The following MTBP variants were observed in gnomAD, a reference collection of about 807,000 sequenced individuals.
MTBP encodes MDM2 binding protein.
In MTBP, 101 loss-of-function variants were observed where a neutral mutation model predicts 117.0. That is an observed-to-expected ratio of 0.86 (90% CI 0.73 to 1.02). The LOEUF (loss-of-function observed/expected upper bound fraction) is 1.02, where lower values mean the gene tolerates loss of function less well. Ranked by LOEUF, MTBP falls within the 50% of genes least tolerant of loss-of-function variation. The probability of loss-of-function intolerance (pLI) is 0.00; values close to 1 mark genes in which losing one functional copy is unlikely to be tolerated. For synonymous variants in MTBP, 350 were observed against 351.5 expected (o/e 1.00, Z 0.05); for missense variants, 970 against 1,030.9 (o/e 0.94, Z 0.81).
In MTBP at chr8:120,451,093, G is replaced by T. The variant is rs764211657; in HGVS notation, c.273+17G>T. The T allele has an allele frequency of 6.3e-7, 1 of 1,596,750 alleles. No individual in the cohort carries two copies. The highest frequency in any genetic ancestry group is 8.6e-7 in the Non-Finnish European group (1 of 1,168,706). ...TTTTATCAGGTAATATAAATTTAAAGATAGCTACTAATGAATGTCTTTACT... is the reference window on the plus strand; with the variant it reads ...TTTTATCAGGTAATATAAATTTAAATATAGCTACTAATGAATGTCTTTACT... On this transcript the variant is annotated intron_variant, in intron 3 of 21. Coordinates refer to ENST00000305949, the MANE Select transcript of MTBP (RefSeq NM_022045.5).
chr8:120,509,894 A>T (rs1814764942), intron 16 of MTBP, 40 bp from the exon 17 acceptor site: 1 of 1,387,492 alleles, frequency 7.2e-7, no homozygotes, highest in Non-Finnish European at 1.0e-6. Context: ...TTTTGTCAGT[A>T]AATAAACTTT....
chr8:120,490,596 C>G (rs775082371), intron 13 of MTBP, 26 bp downstream of exon 13: 1 of 1,448,052 alleles, frequency 6.9e-7, no homozygotes, highest in Non-Finnish European at 9.5e-7. Flanking sequence ...TGTATTTTAT[C>G]CTACCCTAAA....
chr8:120,451,550 A>G (rs188316151), intron 4 of MTBP: 10 of 423,918 alleles, frequency 2.4e-5, no homozygotes, highest in African/African-American at 1.6e-4. Flanking sequence ...ATTTTAATAA[A>G]CATGTTCCTT....
rs1191188584 is a variant in MTBP at position 120,509,175 on chromosome 8, T to C, written c.1884-759T>C. Among the ~76,000 whole-genome samples the C allele has an allele frequency of 2.6e-5, 4 of 152,310 alleles. No homozygotes were observed. The East Asian group carries it at 7.7e-4, about 29-fold the overall frequency. ...AGCAAAGAAAGATCTGGGTCCCACG[T>C]GTTTTAGTAGGAAGTAAATACTTTT... On this transcript the variant is annotated intron_variant, in intron 16 of 21. Transcript: ENST00000305949.
chr8:120,456,384 G>A (rs1455234736), intron 6 of MTBP, among the ~76,000 whole-genome samples, 169 bp from the exon 7 acceptor site: 2 of 152,132 alleles, frequency 1.3e-5, no homozygotes, highest in African/African-American at 4.8e-5. Context: ...AAATGAACAT[G>A]TGTCAGCAAT....
chr8:120,521,805 T>C (rs749427313), intron 20 of MTBP, among the ~76,000 whole-genome samples: 12 of 152,212 alleles, frequency 7.9e-5, no homozygotes, highest in Non-Finnish European at 1.5e-4. Flanking sequence ...TTTTACCTGA[T>C]AAATAAATAC....
At chr8:120,523,187 C>A in intron 21 of MTBP, 111 bp from the exon 22 acceptor site, 4 of 742,104 alleles carry the variant, frequency 5.4e-6, no homozygotes, top group East Asian at 2.7e-5. Flanking sequence ...CAGTATCTTC[C>A]TTTTTATTTG....
chr8:120,483,408 CTATCAG>C (rs1814138202), intron 11 of MTBP, among the ~76,000 whole-genome samples: 2 of 152,060 alleles, frequency 1.3e-5, no homozygotes, highest in African/African-American at 4.8e-5. Flanking sequence ...TATATAATAA[CTATCAG>C]TAAGTCGGAA....
At chr8:120,453,597 AC>A (rs1813406192) in intron 4 of MTBP, among the ~76,000 whole-genome samples, 1 of 152,206 alleles carries the variant, frequency 6.6e-6, no homozygotes, top group African/African-American at 2.4e-5. Flanking sequence ...GTGGGTAAGA[AC>A]TTGTACTCAG....
intron 20 of MTBP, among the ~76,000 whole-genome samples, chr8:120,521,654 GCTT>G (rs1815008615): frequency 6.6e-6 from 1 of 152,096 alleles, no homozygotes; most frequent in East Asian, 1.9e-4. Context: ...ACAGATAACT[GCTT>G]CTTATCTTTT....
chr8:120,496,677 A>G (rs1814464064), intron 13 of MTBP, among the ~76,000 whole-genome samples: 1 of 150,626 alleles, frequency 6.6e-6, no homozygotes, highest in Non-Finnish European at 1.5e-5. Context: ...CAGCCTCAAT[A>G]CTATCTTTTC....
intron 15 of MTBP, 92 bp downstream of exon 15, chr8:120,502,701 A>C (rs539756199): frequency 1.9e-4 from 143 of 766,854 alleles, no homozygotes; most frequent in African/African-American, 9.2e-4. Context: ...AGATTTAAGC[A>C]GTTTATTGTT....
At chr8:120,489,426 G>A (rs571244655) in intron 12 of MTBP, among the ~76,000 whole-genome samples, 1 of 152,278 alleles carries the variant, frequency 6.6e-6, no homozygotes, top group African/African-American at 2.4e-5. Context: ...GTCATTCAGT[G>A]TCACGTTTAC....
At chr8:120,482,183 C>A (rs1236758829) in intron 11 of MTBP, among the ~76,000 whole-genome samples, 1 of 152,170 alleles carries the variant, frequency 6.6e-6, no homozygotes, top group Non-Finnish European at 1.5e-5. Flanking sequence ...AGATTGAGAA[C>A]CTCTGCCCTA....
intron 7 of MTBP, among the ~76,000 whole-genome samples, chr8:120,457,798 C>T (rs1813501119): frequency 6.6e-6 from 1 of 151,878 alleles, no homozygotes; most frequent in Non-Finnish European, 1.5e-5. Flanking sequence ...GTGGCAGGTG[C>T]CTGTAGTCCC....
chr8:120,489,527 T>C (rs1814298249), intron 12 of MTBP, among the ~76,000 whole-genome samples: 1 of 152,204 alleles, frequency 6.6e-6, no homozygotes, highest in African/African-American at 2.4e-5. Flanking sequence ...GGGAAGATCA[T>C]CACTATGCCA....
intron 8 of MTBP, among the ~76,000 whole-genome samples, chr8:120,460,142 A>T (rs1279246088): frequency 6.6e-6 from 1 of 151,912 alleles, no homozygotes; most frequent in Non-Finnish European, 1.5e-5. Flanking sequence ...TTTGATTTGA[A>T]CTCATTTCTC....
At chr8:120,457,752 G>A (rs1472727940) in intron 7 of MTBP, among the ~76,000 whole-genome samples, 11 of 151,904 alleles carry the variant, frequency 7.2e-5, no homozygotes, top group African/African-American at 2.4e-4. Context: ...GTAAAACCTC[G>A]TCTCTACTAA....
At chr8:120,499,846 A>G (rs948679979) in intron 14 of MTBP, among the ~76,000 whole-genome samples, 1 of 152,184 alleles carries the variant, frequency 6.6e-6, no homozygotes, top group Non-Finnish European at 1.5e-5. Flanking sequence ...AATAACTACA[A>G]TAACTGTCTC....
Sources: gnomAD v4.1 joint callset for allele counts (sites outside exome capture counted in the v4.1 genomes callset) on GRCh38, gnomAD v4.1.1 for gene constraint, MANE v1.5 for transcripts, NCBI Gene and HGNC (gene_info 2026-07-23, HGNC 2026-07-21) for gene names.